MYLK: variants seen among roughly 807,000 people sequenced by gnomAD.
MYLK encodes myosin light chain kinase.
MYLK carries 106 observed loss-of-function variants against 203.4 expected under a neutral mutation model. That is an observed-to-expected ratio of 0.52 (90% CI 0.45 to 0.61). The LOEUF is 0.61. MYLK is among the 20% of genes least tolerant of loss of function. The pLI, the probability that MYLK is intolerant of heterozygous loss-of-function variation, is 0.00. For missense variants in MYLK, 2,072 were observed against 2,442.3 expected (o/e 0.85, Z 3.20); for synonymous variants, 867 against 959.5 (o/e 0.90, Z 1.78).
At chr3:123,861,152 A>C (rs527738203) in intron 2 of MYLK, among the ~76,000 whole-genome samples, 1 of 152,226 alleles carries the variant, frequency 6.6e-6, no homozygotes, top group African/African-American at 2.4e-5. Flanking sequence ...AAAAACAAAA[A>C]AAAAAAACTG....
At chr3:123,663,401 G>A (rs556540861) in intron 23 of MYLK, among the ~76,000 whole-genome samples, 4 of 152,270 alleles carry the variant, frequency 2.6e-5, no homozygotes, top group East Asian at 1.9e-4. Context: ...CTAATGGGGC[G>A]TGGGGGTGAG....
intron 1 of MYLK, among the ~76,000 whole-genome samples, chr3:123,882,259 C>A (rs111518363): frequency 5.3e-5 from 8 of 151,948 alleles, no homozygotes; most frequent in African/African-American, 1.9e-4. Flanking sequence ...ACAAAAAATC[C>A]AAAAAACTAG....
At chr3:123,841,822 C>T (rs951709484) in intron 2 of MYLK, among the ~76,000 whole-genome samples, 4 of 152,050 alleles carry the variant, frequency 2.6e-5, no homozygotes, top group African/African-American at 9.7e-5. Context: ...AACATTTGTA[C>T]CCAAGGAGCT....
At chr3:123,679,262 G>A (rs1478089344) in intron 20 of MYLK, among the ~76,000 whole-genome samples, 3 of 149,650 alleles carry the variant, frequency 2.0e-5, no homozygotes, top group Non-Finnish European at 3.0e-5. Context: ...AGCGGAGATC[G>A]CGCCACTGCA....
chr3:123,820,460 CAGATACCCTAAATTA>C (rs1305562461), intron 3 of MYLK, among the ~76,000 whole-genome samples: 3 of 152,182 alleles, frequency 2.0e-5, no homozygotes, highest in Non-Finnish European at 4.4e-5. Flanking sequence ...ACGTCTTTTT[CAGATACCCTAAATTA>C]ATGGGACATG....
In MYLK at chr3:123,657,107, T is replaced by C. The variant is rs1408384893; in HGVS notation, c.4288+19A>G. 1.9e-6 allele frequency: 3 copies of C among 1,614,020 alleles called. No homozygotes were observed. In the African/African-American group the frequency reaches 4.0e-5, roughly 22 times the overall value. ...ACGCACATTTGTTTCAAGCCACTGATGAAGTGATGGCAGCCTACCTTCAGG... is the reference window on the plus strand; with the variant it reads ...ACGCACATTTGTTTCAAGCCACTGACGAAGTGATGGCAGCCTACCTTCAGG... On this transcript the variant is annotated intron_variant, in intron 24 of 33. Coordinates refer to ENST00000360304, the MANE Select transcript of MYLK (RefSeq NM_053025.4).
intron 31 of MYLK, chr3:123,622,576 A>G (rs2057925789): frequency 6.6e-6 from 1 of 152,254 alleles, no homozygotes; most frequent in African/African-American, 2.4e-5. Context: ...AAATGAAGCT[A>G]TCAGAATGAG....
chr3:123,723,583 G>A (rs1416501191), intron 12 of MYLK, among the ~76,000 whole-genome samples: 5 of 152,178 alleles, frequency 3.3e-5, no homozygotes, highest in African/African-American at 4.8e-5. Context: ...TAACTGGAAC[G>A]TAACTCACTG....
chr3:123,707,843 G>A lies in MYLK; in HGVS notation c.2301C>T (p.His767=), dbSNP rs1307483705. Residue 767 remains histidine, a synonymous_variant, in exon 16 of 34, where the codon CAC becomes CAT. Coordinates refer to ENST00000360304, the MANE Select transcript of MYLK (RefSeq NM_053025.4). ...CGTCCTCATTCTGAAGCACCTCGAAGTGGCCAGTGTCTTTGCAGAGGGCTT... is the reference window on the plus strand; with the variant it reads ...CGTCCTCATTCTGAAGCACCTCGAAATGGCCAGTGTCTTTGCAGAGGGCTT... ...DGKALCKDTG[H]FEVLQNEDVF... 2 of 1,614,250 alleles carry A rather than the reference G, an allele frequency of 1.2e-6. No individual in the cohort carries two copies. Among genetic ancestry groups the A allele is most frequent in the Admixed American group, 1.7e-5 (1 of 60,028 alleles).
intron 1 of MYLK, among the ~76,000 whole-genome samples, chr3:123,877,285 C>T (rs912398074): frequency 1.3e-5 from 2 of 152,054 alleles, no homozygotes; most frequent in Non-Finnish European, 2.9e-5. Context: ...TGGCTTAAGG[C>T]TGTTCTGTGT....
intron 16 of MYLK, among the ~76,000 whole-genome samples, chr3:123,706,074 T>C (rs1337263979): frequency 6.6e-6 from 1 of 152,076 alleles, no homozygotes; most frequent in African/African-American, 2.4e-5. Flanking sequence ...CTAATAATAG[T>C]AGGGGGACCA....
intron 13 of MYLK, among the ~76,000 whole-genome samples, chr3:123,719,134 T>C (rs1439432960): frequency 6.6e-6 from 1 of 152,204 alleles, no homozygotes; most frequent in South Asian, 2.1e-4. Flanking sequence ...ATCTCGATGA[T>C]TGCAAAATCT....
intron 31 of MYLK, chr3:123,621,565 T>C (rs1230246517): frequency 6.6e-6 from 1 of 152,230 alleles, no homozygotes; most frequent in Admixed American, 6.5e-5. Context: ...GTAAAAAGAC[T>C]GATCATTTTG....
chr3:123,725,558 T>A (rs1272060599), intron 12 of MYLK, among the ~76,000 whole-genome samples: 1 of 152,216 alleles, frequency 6.6e-6, no homozygotes, highest in Admixed American at 6.5e-5. Context: ...TTTGTTCATT[T>A]ATTGACTCAA....
At chr3:123,720,709 C>T (rs1363378882) in intron 13 of MYLK, among the ~76,000 whole-genome samples, 3 of 152,084 alleles carry the variant, frequency 2.0e-5, no homozygotes, top group African/African-American at 7.3e-5. Context: ...GAGGCCAGAG[C>T]TGGGCTCTGA....
At chr3:123,752,648 G>GC in intron 4 of MYLK, 110 bp from the exon 5 acceptor site, 1 of 1,055,328 alleles carries the variant, frequency 9.5e-7, no homozygotes. Context: ...TCCTCATAAC[G>GC]CCCCCATTTC....
intron 27 of MYLK, 35 bp downstream of exon 27, chr3:123,647,189 T>G: frequency 6.2e-7 from 1 of 1,601,980 alleles, no homozygotes; most frequent in Middle Eastern, 1.9e-4. Flanking sequence ...GGGGGCTCCC[T>G]GTGGTGCCCA....
chr3:123,851,758 C>G (rs1164664147), intron 2 of MYLK, among the ~76,000 whole-genome samples: 1 of 151,990 alleles, frequency 6.6e-6, no homozygotes, highest in Non-Finnish European at 1.5e-5. Flanking sequence ...CCTGATTGCC[C>G]TGGCCAGAAC....
chr3:123,667,545 A>G (rs1290809962), intron 20 of MYLK, among the ~76,000 whole-genome samples: 2 of 152,012 alleles, frequency 1.3e-5, no homozygotes, highest in African/African-American at 2.4e-5. Flanking sequence ...TGGAGGCTGC[A>G]GTGAGCAGAG....
Sources: allele counts gnomAD v4.1 joint callset (sites outside exome capture counted in the v4.1 genomes callset), GRCh38; gene constraint gnomAD v4.1.1; transcripts MANE v1.5; gene names NCBI Gene and HGNC (gene_info 2026-07-23, HGNC 2026-07-21).